Variants in RPTOR observed in about 807,000 individuals in gnomAD.
The protein encoded by RPTOR is regulatory-associated protein of mTOR.
Under a neutral mutation model 169.9 loss-of-function variants are expected in RPTOR, and 21 were observed. The ratio of observed to expected loss-of-function variants is 0.12; its 90% CI spans 0.09 to 0.18. The LOEUF (loss-of-function observed/expected upper bound fraction) is 0.18, where lower values mean the gene tolerates loss of function less well. Ranked by LOEUF, RPTOR falls within the 10% of genes least tolerant of loss-of-function variation. RPTOR has a pLI of 1.00. For missense variants in RPTOR, 1,133 were observed against 1,855.9 expected, an observed-to-expected ratio of 0.61 and a Z score of 7.16; for synonymous variants, 732 against 753.2, an observed-to-expected ratio of 0.97 and a Z score of 0.46.
At chr17:80,952,205 G>A (rs1030854378) in intron 28 of RPTOR, among the ~76,000 whole-genome samples, 2 of 152,360 alleles carry the variant, frequency 1.3e-5, no homozygotes, top group South Asian at 2.1e-4. Context: ...CCAGGACCCA[G>A]TGTTGGCATT....
chr17:80,938,393 A>G (rs908385983), intron 24 of RPTOR, among the ~76,000 whole-genome samples: 1 of 152,128 alleles, frequency 6.6e-6, no homozygotes, highest in Non-Finnish European at 1.5e-5. Flanking sequence ...CTCTTCCTCT[A>G]ATTTATTCCC....
At chr17:80,921,385 C>T (rs544339573) in intron 21 of RPTOR, among the ~76,000 whole-genome samples, 3 of 152,322 alleles carry the variant, frequency 2.0e-5, no homozygotes, top group African/African-American at 4.8e-5. Flanking sequence ...ACGCGCACAG[C>T]CTCTGGAGTC....
chr17:80,687,178 T>C (rs1006653890), intron 3 of RPTOR, among the ~76,000 whole-genome samples: 1 of 152,218 alleles, frequency 6.6e-6, no homozygotes, highest in Non-Finnish European at 1.5e-5. Context: ...TGCCGAGAGT[T>C]CTGTCCGTCC....
chr17:80,884,009 G>A, intron 16 of RPTOR, 37 bp downstream of exon 16: 1 of 1,585,670 alleles, frequency 6.3e-7, no homozygotes. Context: ...AGTCCTCCTG[G>A]CTGCCGACTG....
chr17:80,839,947 C>T (rs1438906107), intron 10 of RPTOR, among the ~76,000 whole-genome samples: 1 of 152,212 alleles, frequency 6.6e-6, no homozygotes, highest in Non-Finnish European at 1.5e-5. Flanking sequence ...GGAATGATTT[C>T]ACCATGTTGG....
At chr17:80,852,360 G>A (rs371790598) in intron 11 of RPTOR, among the ~76,000 whole-genome samples, 6 of 152,010 alleles carry the variant, frequency 3.9e-5, no homozygotes, top group African/African-American at 1.2e-4. Context: ...CTTTTCCTCC[G>A]ACTGGCCCCT....
intron 7 of RPTOR, among the ~76,000 whole-genome samples, chr17:80,799,790 C>A (rs1441709052): frequency 6.6e-6 from 1 of 152,148 alleles, no homozygotes; most frequent in East Asian, 1.9e-4. Flanking sequence ...TCCCCGGCGA[C>A]CCTCGTTGGG....
At chr17:80,694,064 G>T (rs1396386974) in intron 3 of RPTOR, among the ~76,000 whole-genome samples, 1 of 152,268 alleles carries the variant, frequency 6.6e-6, no homozygotes, top group Non-Finnish European at 1.5e-5. Context: ...AAAGAGCGCT[G>T]TCAAGAATGC....
chr17:80,568,613 C>A (rs1183262584), intron 1 of RPTOR, among the ~76,000 whole-genome samples: 3 of 152,194 alleles, frequency 2.0e-5, no homozygotes, highest in African/African-American at 7.2e-5. Context: ...ATACTTTTCA[C>A]CAAAATTTTG....
At chr17:80,831,778 T>TATGTATCCCTGTGTGTCACC in intron 9 of RPTOR, among the ~76,000 whole-genome samples, 1 of 151,916 alleles carries the variant, frequency 6.6e-6, no homozygotes, top group East Asian at 1.9e-4. Context: ...TGTGTGTCAC[T>TATGTATCCCTGTGTGTCACC]GTGTATCCCT....
At chr17:80,680,633 A>G (rs570035534) in intron 3 of RPTOR, among the ~76,000 whole-genome samples, 16 of 152,232 alleles carry the variant, frequency 1.1e-4, no homozygotes, top group African/African-American at 3.9e-4. Context: ...TGTCTCAAAA[A>G]ACAAACAAAC....
intron 7 of RPTOR, among the ~76,000 whole-genome samples, chr17:80,811,846 CTCAACCTCACT>C (rs2067276420): frequency 7.7e-6 from 1 of 129,520 alleles, no homozygotes; most frequent in Non-Finnish European, 1.8e-5. Flanking sequence ...CCAACAAGGC[CTCAACCTCACT>C]GTACCCACGG....
At chr17:80,741,989 G>A (rs796559082) in intron 5 of RPTOR, among the ~76,000 whole-genome samples, 32 of 152,290 alleles carry the variant, frequency 2.1e-4, no homozygotes, top group African/African-American at 7.7e-4. Context: ...TTAGCTGATT[G>A]CTGTGCTGTT....
chr17:80,757,544 A>G (rs1170514123), intron 6 of RPTOR, among the ~76,000 whole-genome samples: 1 of 152,140 alleles, frequency 6.6e-6, no homozygotes, highest in Non-Finnish European at 1.5e-5. Flanking sequence ...TTGGGTTACT[A>G]TAACAGAATA....
At chr17:80,764,117 GTTATTTTATTTTATT>G (rs71164002) in intron 6 of RPTOR, among the ~76,000 whole-genome samples, 32,720 of 138,388 alleles carry the variant, frequency 0.24, 4,027 homozygotes, top group Non-Finnish European at 0.27. Flanking sequence ...GACTTCTTTT[GTTATTTTATTTTATT>G]TTATTTTATT....
intron 21 of RPTOR, among the ~76,000 whole-genome samples, chr17:80,910,285 G>C (rs2068596473): frequency 6.6e-6 from 1 of 152,256 alleles, no homozygotes; most frequent in South Asian, 2.1e-4. Flanking sequence ...CGTTCTCTCA[G>C]GGATCACAAG....
At chr17:80,946,176 A>C (rs1234029028) in intron 26 of RPTOR, among the ~76,000 whole-genome samples, 2 of 152,220 alleles carry the variant, frequency 1.3e-5, no homozygotes, top group Non-Finnish European at 2.9e-5. Flanking sequence ...AAGTGAGTTT[A>C]ACTCACAGCA....
rs1396475006 is a variant in RPTOR at position 80,633,571 on chromosome 17, G to C, written c.265+7778G>C. 6.6e-6 allele frequency among the ~76,000 whole-genome samples: 1 copy of C among 152,222 alleles called. No individual in the cohort carries two copies. The highest frequency in any genetic ancestry group is 2.1e-4 in the South Asian group (1 of 4,832). ...ACGCAGAGCTGCCTGCTTCACGCGG[G>C]CTGCACCAGGTGATGCGGGGCTGTG... is the stretch of plus-strand genomic sequence containing the variant. On this transcript the variant is annotated intron_variant, in intron 2 of 33. Coordinates refer to ENST00000306801, the MANE Select transcript of RPTOR (RefSeq NM_020761.3). This position sits in a 1 kb window ranked among gnomAD's most constrained non-coding sequence, Gnocchi z 4.1.
At chr17:80,742,222 C>T (rs2066488470) in intron 5 of RPTOR, among the ~76,000 whole-genome samples, 6 of 152,044 alleles carry the variant, frequency 3.9e-5, no homozygotes, top group Admixed American at 3.9e-4. Flanking sequence ...TGGGAGTAAC[C>T]TGGCAGAGAG....
Sources: allele counts gnomAD v4.1 joint callset (sites outside exome capture counted in the v4.1 genomes callset), GRCh38; gene constraint gnomAD v4.1.1; non-coding constraint Gnocchi (gnomAD v3.1); transcripts MANE v1.5; gene names NCBI Gene and HGNC (gene_info 2026-07-23, HGNC 2026-07-21).